Variants in CPNE3 observed in about 807,000 individuals in gnomAD.
The protein encoded by CPNE3 is copine-3.
A neutral mutation model predicts 63.9 loss-of-function variants in CPNE3; 68 were observed. The observed-to-expected ratio is 1.06, with a 90% CI of 0.87 to 1.30. CPNE3 has a LOEUF of 1.30. Ranked by LOEUF, CPNE3 falls within the 50% of genes most tolerant of loss-of-function variation. CPNE3 has a pLI of 0.00. For synonymous variants in CPNE3, 219 were observed against 197.5 expected, an observed-to-expected ratio of 1.11 and a Z score of -0.91; for missense variants, 665 against 578.1, an observed-to-expected ratio of 1.15 and a Z score of -1.54.
intron 16 of CPNE3, among the ~76,000 whole-genome samples, chr8:86,557,538 A>C (rs1355294106): frequency 6.6e-6 from 1 of 152,206 alleles, no homozygotes; most frequent in Non-Finnish European, 1.5e-5. Context: ...TAATTCTTAA[A>C]GCAGTTGTTA....
intron 7 of CPNE3, among the ~76,000 whole-genome samples, chr8:86,538,034 G>A (rs1563692736): frequency 6.6e-6 from 1 of 150,868 alleles, no homozygotes; most frequent in South Asian, 2.1e-4. Flanking sequence ...TTTTCCTTTT[G>A]CAAAATCATC....
chr8:86,544,151 G>GTCCTTAGTT (rs1821001030), intron 8 of CPNE3, among the ~76,000 whole-genome samples: 1 of 152,054 alleles, frequency 6.6e-6, no homozygotes, highest in Admixed American at 6.6e-5. Flanking sequence ...AGTACTCTTA[G>GTCCTTAGTT]CCTGGAATTG....
intron 15 of CPNE3, 50 bp downstream of exon 15, chr8:86,555,034 T>C (rs201448148): frequency 1.9e-6 from 3 of 1,606,894 alleles, no homozygotes; most frequent in Non-Finnish European, 2.5e-6. Context: ...TGGTAGCAGC[T>C]CCTGGTGCCA....
At position 86,547,715 on chromosome 8, in the gene CPNE3, C is replaced by T. The variant is rs892201022; in HGVS notation, c.824C>T (p.Thr275Ile). 4.9e-6 allele frequency: 6 copies of T among 1,236,582 alleles called. No homozygotes were observed. Among genetic ancestry groups the T allele is most frequent in the African/African-American group, 3.0e-5 (2 of 67,790 alleles). 76.6% of individuals were successfully genotyped at this position (1,236,582 alleles called of 1,614,324 possible). A position where few individuals can be genotyped will look rare whatever the true frequency, so the allele number is the denominator to read the frequency against. ...TAAGTTTTCTCTTATTTTTAGATTA[C>T]AGTAGAATGCACATTCCTTGACTAT... ...GVISVKQCEITVECTFLDYIM... is the reference protein window; with the variant it reads ...GVISVKQCEIIVECTFLDYIM... Residue 275 changes from threonine to isoleucine, a missense_variant, in exon 11 of 17, where the codon ACA (threonine) becomes ATA (isoleucine). By Grantham distance (89) the Thr-to-Ile change is moderately conservative (BLOSUM62 -1). Coordinates refer to ENST00000517490, the MANE Select transcript of CPNE3 (RefSeq NM_003909.5).
intron 7 of CPNE3, among the ~76,000 whole-genome samples, chr8:86,539,503 T>C (rs999418194): frequency 1.3e-5 from 2 of 152,158 alleles, no homozygotes; most frequent in African/African-American, 4.8e-5. Context: ...TATGTATATA[T>C]GGTATTAAAA....
Position 86,559,951 on chromosome 8 carries a change from T to C in CPNE3, c.*1541T>C, listed in dbSNP as rs941713958. On this transcript the variant is annotated 3_prime_UTR_variant, in exon 17 of 17. Coordinates refer to ENST00000517490, the MANE Select transcript of CPNE3 (RefSeq NM_003909.5). ...AAGGGAGTGAGCTCTCAACCACAGA[T>C]AGCTGTGGCTTCTCAGAAGCAGCTC... 3 of 152,188 alleles carry C rather than the reference T, an allele frequency of 2.0e-5. No homozygotes were observed. The highest frequency in any genetic ancestry group is 4.4e-5 in the Non-Finnish European group (3 of 68,032). The allele number at this position is 152,188 out of a possible 1,614,324, so 9.4% of individuals were successfully genotyped here. A position where few individuals can be genotyped will look rare whatever the true frequency, so the allele number is the denominator to read the frequency against.
At chr8:86,540,177 A>G (rs1820901728) in intron 7 of CPNE3, 68 bp from the exon 8 acceptor site, 1 of 900,470 alleles carries the variant, frequency 1.1e-6, no homozygotes. Context: ...GAACCTAGGA[A>G]GGGCAGGAGC....
Position 86,551,103 on chromosome 8 carries a change from A to G in CPNE3, c.1068+3A>G, listed in dbSNP as rs1224682940. The G allele has an allele frequency of 6.2e-7, 1 of 1,612,878 alleles. No individual in the cohort carries two copies. Among genetic ancestry groups the G allele is most frequent in the East Asian group, 2.2e-5 (1 of 44,870 alleles). ...CTCAGATACCTCCTCAGTGGCAGGT[A>G]AGAGGAAATCTCTATTTTAAAGCTT... On this transcript the variant is annotated splice_donor_region_variant and intron_variant, in intron 13 of 16. Transcript: ENST00000517490.
intron 4 of CPNE3, among the ~76,000 whole-genome samples, chr8:86,530,061 C>A (rs1311923107): frequency 6.6e-6 from 1 of 151,744 alleles, no homozygotes; most frequent in Non-Finnish European, 1.5e-5. Flanking sequence ...ACAGATACAT[C>A]AGATGTATAT....
At chr8:86,523,638 T>C (rs969334380) in intron 2 of CPNE3, among the ~76,000 whole-genome samples, 1 of 152,172 alleles carries the variant, frequency 6.6e-6, no homozygotes, top group African/African-American at 2.4e-5. Flanking sequence ...CAGGCTGGAG[T>C]GCAGTGGTAC....
At chr8:86,520,662 C>CTTTTT (rs113992927) in intron 2 of CPNE3, among the ~76,000 whole-genome samples, 2 of 140,002 alleles carry the variant, frequency 1.4e-5, no homozygotes, top group Non-Finnish European at 3.1e-5. Context: ...CCAGGCATTT[C>CTTTTT]TTTTTTTTTT....
intron 14 of CPNE3, 133 bp downstream of exon 14, chr8:86,551,367 C>A (rs1015677211): frequency 1.2e-5 from 8 of 684,090 alleles, no homozygotes; most frequent in African/African-American, 1.8e-5. Context: ...CATTTTCTTA[C>A]ATATTTAACT....
In CPNE3 at chr8:86,546,616, G is replaced by A. The variant is rs750815455; in HGVS notation, c.754G>A (p.Glu252Lys). Reference protein sequence around the residue: ...SSPVEFECINEKKRQKKKSYK... With the variant: ...SSPVEFECINKKKRQKKKSYK... The stretch of plus-strand genomic sequence containing the variant: ...ACAGGTTGAATTTGAATGCATAAAT[G>A]AGAAAAAAAGGCAAAAGAAAAAAAG... Residue 252 changes from glutamate (E) to lysine (K), a missense_variant, in exon 10 of 17, where the codon GAG becomes AAG. Glu to Lys is a moderately conservative substitution (Grantham distance 56). Transcript: ENST00000517490. 8.7e-6 allele frequency: 14 copies of A among 1,612,768 alleles called. 1 individual carries two copies. The highest frequency in any genetic ancestry group is 3.3e-5 in the South Asian group (3 of 90,852).
intron 2 of CPNE3, chr8:86,521,572 TTATTTTTACTAATAC>T (rs1437684514): frequency 6.6e-6 from 1 of 152,186 alleles, no homozygotes; most frequent in Non-Finnish European, 1.5e-5. Context: ...TGGAGTTTAT[TTATTTTTACTAATAC>T]TATTTTTACT....
intron 16 of CPNE3, 22 bp from the exon 17 acceptor site, chr8:86,558,266 C>T (rs1204609438): frequency 1.1e-6 from 1 of 872,658 alleles, no homozygotes; most frequent in South Asian, 1.3e-5. Flanking sequence ...AATAAAGTCA[C>T]TTTTATTTTG....
At chr8:86,531,061 A>G in intron 4 of CPNE3, 94 bp from the exon 5 acceptor site, 2 of 700,480 alleles carry the variant, frequency 2.9e-6, no homozygotes, top group South Asian at 3.2e-5. Flanking sequence ...ACTTTAAGTG[A>G]ACCTTATACT....
At chr8:86,522,190 C>T (rs968321751) in intron 2 of CPNE3, among the ~76,000 whole-genome samples, 1 of 152,094 alleles carries the variant, frequency 6.6e-6, no homozygotes, top group African/African-American at 2.4e-5. Context: ...TTCTTCAGCT[C>T]CAAGAGCACT....
intron 7 of CPNE3, 141 bp downstream of exon 7, chr8:86,537,787 A>T (rs1207136511): frequency 1.6e-6 from 1 of 621,468 alleles, no homozygotes; most frequent in Non-Finnish European, 2.8e-6. Context: ...CACCATGTTC[A>T]TATTTTTTTC....
At chr8:86,543,032 T>C (rs570928829) in intron 8 of CPNE3, among the ~76,000 whole-genome samples, 4 of 152,214 alleles carry the variant, frequency 2.6e-5, no homozygotes, top group Admixed American at 2.0e-4. Context: ...TTTTCCATAA[T>C]TGAAAAATGT....
Sources: allele counts gnomAD v4.1 joint callset (sites outside exome capture counted in the v4.1 genomes callset), GRCh38; gene constraint gnomAD v4.1.1; transcripts MANE v1.5; gene names NCBI Gene and HGNC (gene_info 2026-07-23, HGNC 2026-07-21).